ZFYVE28: variants seen among roughly 807,000 people sequenced by gnomAD.
ZFYVE28 encodes lateral signaling target protein 2 homolog.
A neutral mutation model predicts 82.1 loss-of-function variants in ZFYVE28; 40 were observed. That is an observed-to-expected ratio of 0.49 (90% CI 0.38 to 0.63). The LOEUF is 0.63. Ranked by LOEUF, ZFYVE28 falls within the 30% of genes least tolerant of loss-of-function variation. The pLI, the probability that ZFYVE28 is intolerant of heterozygous loss-of-function variation, is 0.00. For synonymous variants in ZFYVE28, 612 were observed against 546.1 expected (o/e 1.12, Z -1.68); for missense variants, 1,321 against 1,242.1 (o/e 1.06, Z -0.96).
At position 2,341,879 on chromosome 4, in the gene ZFYVE28, G is replaced by T. The variant is rs917663769; in HGVS notation, c.181-264C>A. On this transcript the variant is annotated intron_variant, in intron 2 of 12. Coordinates refer to ENST00000290974, the MANE Select transcript of ZFYVE28 (RefSeq NM_020972.3). This position sits in a 1 kb window ranked among gnomAD's most constrained non-coding sequence, Gnocchi z 4.5. ...TACTAAAAATACAAAAATTAGCCGG[G>T]CGTGGTAGCGCACACCTGTAATCCC... Among the ~76,000 whole-genome samples, 4 of 152,202 alleles carry T rather than the reference G, an allele frequency of 2.6e-5. No individual in the cohort carries two copies. Among genetic ancestry groups the T allele is most frequent in the Non-Finnish European group, 5.9e-5 (4 of 68,038 alleles).
At chr4:2,346,890 C>A (rs1243003496) in intron 2 of ZFYVE28, among the ~76,000 whole-genome samples, 1 of 151,842 alleles carries the variant, frequency 6.6e-6, no homozygotes, top group Non-Finnish European at 1.5e-5. Flanking sequence ...AAAGATGGGA[C>A]AAACAGAAAA....
At chr4:2,363,210 T>A (rs1448284557) in intron 1 of ZFYVE28, among the ~76,000 whole-genome samples, 1 of 152,126 alleles carries the variant, frequency 6.6e-6, no homozygotes, top group Admixed American at 6.5e-5. Context: ...TCAGGTCACC[T>A]GTGGGAGTGG....
chr4:2,371,976 G>C (rs56087495), intron 1 of ZFYVE28, among the ~76,000 whole-genome samples: 6,373 of 152,312 alleles, frequency 0.042, 190 homozygotes, highest in Non-Finnish European at 0.065. Context: ...GCAGCCTAGA[G>C]GCACAGACCC....
chr4:2,319,721 C>T (rs56135567), intron 7 of ZFYVE28, among the ~76,000 whole-genome samples: 1 of 151,298 alleles, frequency 6.6e-6, no homozygotes, highest in Non-Finnish European at 1.5e-5. Flanking sequence ...CCCATGTGGA[C>T]ACAGACGTAA....
At chr4:2,293,028 C>G (rs1560149221) in intron 8 of ZFYVE28, among the ~76,000 whole-genome samples, 1 of 151,528 alleles carries the variant, frequency 6.6e-6, no homozygotes, top group Non-Finnish European at 1.5e-5. Context: ...ATAGGCTAAA[C>G]AGGAGAACCA....
intron 8 of ZFYVE28, among the ~76,000 whole-genome samples, chr4:2,291,469 C>T (rs1713688392): frequency 6.6e-6 from 1 of 152,210 alleles, no homozygotes; most frequent in Admixed American, 6.5e-5. Context: ...ACCAAGCAGG[C>T]TCCACTGCAG....
At chr4:2,280,933 AGAGTT>A (rs1276046546) in intron 8 of ZFYVE28, among the ~76,000 whole-genome samples, 1 of 152,186 alleles carries the variant, frequency 6.6e-6, no homozygotes, top group African/African-American at 2.4e-5. Flanking sequence ...CGTTCAACAG[AGAGTT>A]GAGTGTGGCA....
chr4:2,417,490 G>C lies in ZFYVE28; in HGVS notation c.39+795C>G, dbSNP rs899235366. ...GACCCCGCGGCGCTAGGAGAGGCGC[G>C]GGCGCCGGCTGGAGAGCCGCACCTC... On this transcript the variant is annotated intron_variant, in intron 1 of 12. Transcript: ENST00000290974. The surrounding 1 kb of genome is among the most constrained non-coding windows in gnomAD (Gnocchi z 4.8). 6.6e-6 allele frequency among the ~76,000 whole-genome samples: 1 copy of C among 151,166 alleles called. No individual in the cohort carries two copies. The highest frequency in any genetic ancestry group is 2.4e-5 in the African/African-American group (1 of 41,316).
At position 2,418,251 on chromosome 4, in the gene ZFYVE28, G is replaced by A. The variant is rs752881398; in HGVS notation, c.39+34C>T. On this transcript the variant is annotated intron_variant, in intron 1 of 12. Coordinates refer to ENST00000290974, the MANE Select transcript of ZFYVE28 (RefSeq NM_020972.3). This position sits in a 1 kb window ranked among gnomAD's most constrained non-coding sequence, Gnocchi z 4.6. ...TCCTGGGGAAGGGAGAGGCCGCGAC[G>A]CGGGGGGCGTCCGGCCCGAGCGGGG... The A allele has an allele frequency of 2.0e-6, 3 of 1,532,346 alleles. No individual in the cohort carries two copies. The highest frequency in any genetic ancestry group is 1.4e-5 in the African/African-American group (1 of 71,582). The allele number at this position is 1,532,346 out of a possible 1,614,324, so 94.9% of individuals were successfully genotyped here.
At chr4:2,397,950 C>T (rs3128792) in intron 1 of ZFYVE28, among the ~76,000 whole-genome samples, 128,212 of 149,604 alleles carry the variant, frequency 0.86, 54,935 homozygotes, top group Admixed American at 0.91. Flanking sequence ...AGAGCTGAGG[C>T]GGGTTTCCAG....
chr4:2,275,555 G>A (rs1736345830), intron 8 of ZFYVE28, among the ~76,000 whole-genome samples: 1 of 152,110 alleles, frequency 6.6e-6, no homozygotes, highest in African/African-American at 2.4e-5. Flanking sequence ...CATCCTGCAC[G>A]GCCTCTTTTG....
At chr4:2,414,046 C>T (rs1732788053) in intron 1 of ZFYVE28, among the ~76,000 whole-genome samples, 1 of 152,252 alleles carries the variant, frequency 6.6e-6, no homozygotes, top group Admixed American at 6.5e-5. Context: ...TTGCCCCACC[C>T]CCCACTCTGG....
At chr4:2,357,148 C>T (rs1725448412) in intron 1 of ZFYVE28, among the ~76,000 whole-genome samples, 1 of 152,324 alleles carries the variant, frequency 6.6e-6, no homozygotes, top group African/African-American at 2.4e-5. Context: ...CCATCCGCCT[C>T]GGCCTCCCAA....
At chr4:2,299,178 A>C (rs922769480) in intron 8 of ZFYVE28, among the ~76,000 whole-genome samples, 2 of 152,220 alleles carry the variant, frequency 1.3e-5, no homozygotes, top group Admixed American at 6.5e-5. Context: ...GTGACATCCC[A>C]GCTGAAAAAC....
intron 8 of ZFYVE28, among the ~76,000 whole-genome samples, chr4:2,276,685 T>C (rs1191325954): frequency 2.6e-5 from 4 of 152,060 alleles, no homozygotes; most frequent in Non-Finnish European, 4.4e-5. Context: ...GGCAAGATCA[T>C]GCTGAGTGAA....
Position 2,277,541 on chromosome 4 carries a change from A to C in ZFYVE28, c.2052-3325T>G, listed in dbSNP as rs917790521. Among the ~76,000 whole-genome samples the C allele has an allele frequency of 8.5e-5, 13 of 152,188 alleles. 1 individual carries two copies. The highest frequency in any genetic ancestry group is 3.1e-4 in the African/African-American group (13 of 41,460). On this transcript the variant is annotated intron_variant, in intron 8 of 12. Transcript: ENST00000290974. ...AAGATCATTTGTGTTTAGATATGGT[A>C]GCAATAAACTGAAAGTGAAATGAAG...
rs1288047293 is a variant in ZFYVE28, at chr4:2,273,440, T to C, written c.2207-151A>G. 3 of 676,352 alleles carry C rather than the reference T, an allele frequency of 4.4e-6. No individual in the cohort carries two copies. In the East Asian group the frequency reaches 7.8e-5, roughly 18 times the overall value. 41.9% of individuals were successfully genotyped at this position (676,352 alleles called of 1,614,324 possible). A position where few individuals can be genotyped will look rare whatever the true frequency, so the allele number is the denominator to read the frequency against. ...TCAGGGAGGGAGGAGGCCCAACCCC[T>C]TGGGGGAGGATTCCCTTGCAAGAAT... On this transcript the variant is annotated intron_variant, in intron 9 of 12. Transcript: ENST00000290974.
intron 8 of ZFYVE28, among the ~76,000 whole-genome samples, chr4:2,297,152 C>A (rs1714710980): frequency 6.6e-6 from 1 of 152,272 alleles, no homozygotes; most frequent in Non-Finnish European, 1.5e-5. Flanking sequence ...CGCAGCGGCG[C>A]CTTCACTGAT....
intron 6 of ZFYVE28, among the ~76,000 whole-genome samples, chr4:2,323,026 A>G (rs1266375595): frequency 6.6e-6 from 1 of 152,184 alleles, no homozygotes; most frequent in Non-Finnish European, 1.5e-5. Context: ...AAGTTTGTTC[A>G]CGGACATATG....
Sources: gnomAD v4.1 joint callset for allele counts (sites outside exome capture counted in the v4.1 genomes callset) on GRCh38, gnomAD v4.1.1 for gene constraint, Gnocchi (gnomAD v3.1) non-coding constraint, MANE v1.5 for transcripts, NCBI Gene and HGNC (gene_info 2026-07-23, HGNC 2026-07-21) for gene names.